The following SOX6 variants were observed in gnomAD, a reference collection of about 807,000 sequenced individuals.
SOX6 encodes the protein SRY-box transcription factor 6.
SOX6 carries 11 observed loss-of-function variants against 97.8 expected under a neutral mutation model. The ratio of observed to expected loss-of-function variants is 0.11; its 90% CI spans 0.07 to 0.19. The LOEUF (loss-of-function observed/expected upper bound fraction) is 0.19, where lower values mean the gene tolerates loss of function less well. SOX6 is among the 10% of genes least tolerant of loss of function. The probability of loss-of-function intolerance (pLI) is 1.00; values close to 1 mark genes in which losing one functional copy is unlikely to be tolerated. For synonymous variants in SOX6, 360 were observed against 371.4 expected (o/e 0.97, Z 0.35); for missense variants, 810 against 1,039.5 (o/e 0.78, Z 3.04).
chr11:16,540,011 A>T (rs904960116), intron 4 of SOX6, among the ~76,000 whole-genome samples: 3 of 152,180 alleles, frequency 2.0e-5, no homozygotes, highest in Non-Finnish European at 2.9e-5. Flanking sequence ...GCAGGGACAC[A>T]ACAAAAAAAA....
intron 3 of SOX6, among the ~76,000 whole-genome samples, chr11:16,245,196 G>T: frequency 6.6e-6 from 1 of 151,472 alleles, no homozygotes; most frequent in Non-Finnish European, 1.5e-5. Context: ...TTTGGTAAGT[G>T]GTTTATTTAG....
intron 6 of SOX6, among the ~76,000 whole-genome samples, chr11:16,162,775 C>T (rs1850785975): frequency 6.6e-6 from 1 of 152,114 alleles, no homozygotes; most frequent in Admixed American, 6.5e-5. Flanking sequence ...GATGATAGTC[C>T]ATCTTTAACA....
intron 9 of SOX6, among the ~76,000 whole-genome samples, chr11:16,068,588 G>C (rs1848148630): frequency 6.6e-6 from 1 of 152,100 alleles, no homozygotes; most frequent in South Asian, 2.1e-4. Context: ...TTTGAGATGA[G>C]AGAACGGGAG....
At chr11:16,386,466 T>C (rs1036436802) in intron 1 of SOX6, among the ~76,000 whole-genome samples, 1 of 152,126 alleles carries the variant, frequency 6.6e-6, no homozygotes, top group Non-Finnish European at 1.5e-5. Flanking sequence ...TGCATATAGA[T>C]ACAACACTCA....
rs1432394818 is a variant in SOX6, at chr11:16,055,841, T to C, written c.1162A>G (p.Thr388Ala). ...QVSPGAKMPS[T>A]PQPPNTAGTV... Reference sequence around the variant, plus strand: ...CCTGCTGTGTTTGGTGGCTGTGGAGTTGATGGCATCTTTGCTCCAGGTGAC... The same window carrying C: ...CCTGCTGTGTTTGGTGGCTGTGGAGCTGATGGCATCTTTGCTCCAGGTGAC... Residue 388 changes from threonine (T) to alanine (A), a missense_variant, in exon 10 of 16, where the codon ACT (threonine) becomes GCT (alanine). This residue lies in a region of SOX6 where 244 missense variants were observed against 261.0 expected (regional missense o/e 0.93). Coordinates refer to ENST00000683767, the MANE Select transcript of SOX6 (RefSeq NM_001367873.1). 3.1e-6 allele frequency: 5 copies of C among 1,613,768 alleles called. No homozygotes were observed. The highest frequency in any genetic ancestry group is 3.4e-6 in the Non-Finnish European group (4 of 1,179,846).
intron 7 of SOX6, among the ~76,000 whole-genome samples, chr11:16,111,221 C>A (rs1253424703): frequency 1.3e-5 from 2 of 152,164 alleles, no homozygotes; most frequent in Non-Finnish European, 2.9e-5. Context: ...AGAAAAATCA[C>A]AACATTTGCT....
intron 12 of SOX6, among the ~76,000 whole-genome samples, chr11:16,027,617 A>G (rs1338264017): frequency 6.6e-6 from 1 of 152,224 alleles, no homozygotes; most frequent in Non-Finnish European, 1.5e-5. Context: ...TCATGTCTCA[A>G]TATAAGTAAT....
At chr11:16,597,175 G>A (rs890262020) in intron 4 of SOX6, among the ~76,000 whole-genome samples, 2 of 151,978 alleles carry the variant, frequency 1.3e-5, no homozygotes, top group African/African-American at 4.8e-5. Context: ...GCACTTTAAA[G>A]GCTGACGAGT....
chr11:16,442,320 G>A (rs1859518574), intron 1 of SOX6, among the ~76,000 whole-genome samples: 1 of 152,070 alleles, frequency 6.6e-6, no homozygotes, highest in Non-Finnish European at 1.5e-5. Context: ...GTGTTTCTCT[G>A]AAAGAAGAAA....
At chr11:16,655,084 T>C (rs1177378151) in intron 3 of SOX6, among the ~76,000 whole-genome samples, 5 of 152,162 alleles carry the variant, frequency 3.3e-5, no homozygotes, top group African/African-American at 9.7e-5. Context: ...AATATAGGAA[T>C]TGAGTGAAGG....
At chr11:16,526,824 G>C (rs1298170226) in intron 4 of SOX6, among the ~76,000 whole-genome samples, 1 of 151,896 alleles carries the variant, frequency 6.6e-6, no homozygotes, top group Non-Finnish European at 1.5e-5. Context: ...GAGAAATTAA[G>C]GTCACAGAAT....
chr11:16,483,419 A>C (rs3924790), intron 4 of SOX6, among the ~76,000 whole-genome samples: 78,188 of 151,760 alleles, frequency 0.52, 20,272 homozygotes, highest in East Asian at 0.66. Flanking sequence ...GATTACAGTT[A>C]CAAGCAGTTA....
intron 6 of SOX6, among the ~76,000 whole-genome samples, chr11:16,138,309 C>T (rs192769461): frequency 4.3e-4 from 66 of 152,176 alleles, no homozygotes; most frequent in Admixed American, 1.6e-3. Context: ...ATAAACAGTG[C>T]CTCATAAAGG....
chr11:16,604,258 G>A (rs938482267), intron 4 of SOX6, among the ~76,000 whole-genome samples: 2 of 152,204 alleles, frequency 1.3e-5, no homozygotes, highest in Admixed American at 6.5e-5. Flanking sequence ...CCAGGTGTCC[G>A]TCCTGTCCCT....
intron 1 of SOX6, among the ~76,000 whole-genome samples, chr11:16,425,572 T>C (rs4757399): frequency 0.2 from 30,809 of 152,074 alleles, 3,373 homozygotes; most frequent in Admixed American, 0.32. Context: ...AAAAAACCCA[T>C]TGTCTTAGCC....
intron 4 of SOX6, among the ~76,000 whole-genome samples, chr11:16,544,861 T>C (rs1847599233): frequency 6.6e-6 from 1 of 152,092 alleles, no homozygotes; most frequent in African/African-American, 2.4e-5. Context: ...ATGTACTCCA[T>C]ATCTTGAAAA....
At chr11:16,297,240 T>G (rs1487296898) in intron 3 of SOX6, among the ~76,000 whole-genome samples, 1 of 152,164 alleles carries the variant, frequency 6.6e-6, no homozygotes, top group East Asian at 1.9e-4. Context: ...CAGTTTTGTC[T>G]TCCTTACTTT....
chr11:16,653,491 GACCATTATTCTAA>G, intron 3 of SOX6, among the ~76,000 whole-genome samples: 1 of 152,268 alleles, frequency 6.6e-6, no homozygotes, highest in African/African-American at 2.4e-5. Flanking sequence ...CTGAGTTGGA[GACCATTATTCTAA>G]ATAAAGTAAC....
intron 3 of SOX6, among the ~76,000 whole-genome samples, chr11:16,617,800 G>A (rs1384351488): frequency 6.6e-6 from 1 of 151,524 alleles, no homozygotes; most frequent in South Asian, 2.1e-4. Context: ...AGTACATTCT[G>A]AAAAAAAAGT....
Sources: gnomAD v4.1 joint callset for allele counts (sites outside exome capture counted in the v4.1 genomes callset) on GRCh38, gnomAD v4.1.1 for gene constraint, gnomAD v4.1.1 regional missense constraint, MANE v1.5 for transcripts, NCBI Gene and HGNC (gene_info 2026-07-23, HGNC 2026-07-21) for gene names.